Variants in KCNB2 observed in about 807,000 individuals in gnomAD.
KCNB2 encodes the protein potassium voltage-gated channel subfamily B member 2.
A neutral mutation model predicts 61.5 loss-of-function variants in KCNB2; 15 were observed. The observed-to-expected ratio is 0.24, with a 90% CI of 0.16 to 0.38. KCNB2 has a LOEUF of 0.38. KCNB2 is among the 10% of genes least tolerant of loss of function. The pLI, the probability that KCNB2 is intolerant of heterozygous loss-of-function variation, is 1.00. For synonymous variants in KCNB2, 457 were observed against 446.0 expected, an observed-to-expected ratio of 1.02 and a Z score of -0.31; for missense variants, 828 against 1,125.2, an observed-to-expected ratio of 0.74 and a Z score of 3.78.
chr8:72,657,328 G>T (rs1228843466), intron 2 of KCNB2, among the ~76,000 whole-genome samples: 14 of 152,078 alleles, frequency 9.2e-5, no homozygotes, highest in Non-Finnish European at 8.8e-5. Flanking sequence ...AGCCACTAAA[G>T]ATAACATTTT....
intron 1 of KCNB2, among the ~76,000 whole-genome samples, chr8:72,562,364 G>C (rs1282421132): frequency 3.3e-5 from 5 of 152,066 alleles, no homozygotes; most frequent in African/African-American, 1.2e-4. Context: ...GGCCCTGAGC[G>C]GGTGGCAGCA....
rs575766445 is a variant in KCNB2 at position 72,756,635 on chromosome 8, G to A, written c.580-179300G>A. On this transcript the variant is annotated intron_variant, in intron 2 of 2. Transcript: ENST00000523207. ...AGCTTAAAAAGCCACCGATTTAATC[G>A]AAAGCACAGTAGAGGAAAGTAGGGA... 1.3e-4 allele frequency among the ~76,000 whole-genome samples: 20 copies of A among 152,236 alleles called. No individual in the cohort carries two copies. In the South Asian group the frequency reaches 3.3e-3, roughly 25 times the overall value.
chr8:72,567,741 G>A lies in KCNB2; in HGVS notation c.7G>A (p.Glu3Lys). 1 of 1,555,680 alleles carries A rather than the reference G, an allele frequency of 6.4e-7. No homozygotes were observed. Among genetic ancestry groups the A allele is most frequent in the South Asian group, 1.3e-5 (1 of 79,644 alleles). The change falls in exon 2 of 3, where the codon GAA becomes AAA. Residue 3 changes from glutamate to lysine, a missense_variant. Glu to Lys is a moderately conservative substitution (Grantham distance 56, BLOSUM62 1). Around this residue, in one of 4 missense-constraint regions of KCNB2, gnomAD observed 62 missense variants for 54.8 expected, o/e 1.13. Transcript: ENST00000523207. MAEKAPPGLNRKT... is the reference protein window; with the variant it reads MAKKAPPGLNRKT... ...CGGCTTTGTCCAGTTCAAAATGGCA[G>A]AAAAGGCTCCCCCGGGCTTAAACAG...
At chr8:72,891,833 T>C (rs1300814318) in intron 2 of KCNB2, among the ~76,000 whole-genome samples, 2 of 152,174 alleles carry the variant, frequency 1.3e-5, no homozygotes, top group Admixed American at 1.3e-4. Flanking sequence ...AGAAAAATAA[T>C]CCCTCAGGAA....
At position 72,937,463 on chromosome 8, in the gene KCNB2, C is replaced by T. The variant is rs1311362091; in HGVS notation, c.2108C>T (p.Ser703Phe). 3.1e-6 allele frequency: 5 copies of T among 1,613,830 alleles called. No individual in the cohort carries two copies. Among genetic ancestry groups the T allele is most frequent in the Non-Finnish European group, 4.2e-6 (5 of 1,179,984 alleles). The change falls in exon 3 of 3, where the codon TCT (serine) becomes TTT (phenylalanine). Residue 703 changes from serine to phenylalanine, a missense_variant. Coordinates refer to ENST00000523207, the MANE Select transcript of KCNB2 (RefSeq NM_004770.3). ...AATGCCACCGACAGTCCTAAGAGCT[C>T]TCTAAAAGGCAGCAACCCACTAAAG... is the stretch of plus-strand genomic sequence containing the variant. ...SDNATDSPKSSLKGSNPLKSR... is the reference protein window; with the variant it reads ...SDNATDSPKSFLKGSNPLKSR...
chr8:72,918,262 A>G (rs2129007999), intron 2 of KCNB2, among the ~76,000 whole-genome samples: 1 of 152,322 alleles, frequency 6.6e-6, no homozygotes, highest in East Asian at 1.9e-4. Flanking sequence ...AGCAGTGCTA[A>G]GTCATCATCT....
At chr8:72,732,152 T>C (rs1807755806) in intron 2 of KCNB2, 1 of 152,266 alleles carries the variant, frequency 6.6e-6, no homozygotes. Flanking sequence ...TTTTATTCTG[T>C]TGGCCTTGGG....
intron 2 of KCNB2, among the ~76,000 whole-genome samples, chr8:72,859,025 C>T (rs1034410869): frequency 6.6e-6 from 1 of 152,184 alleles, no homozygotes; most frequent in Non-Finnish European, 1.5e-5. Flanking sequence ...ATTGCTCCTG[C>T]AAAATGTCCT....
At position 72,826,301 on chromosome 8, in the gene KCNB2, C is replaced by T. The variant is rs370007451; in HGVS notation, c.580-109634C>T. ...GGAACTGCCGATTATCAACAGTCTTCCCGTAGGATCCCATAGAACACAAAT... is the reference window on the plus strand; with the variant it reads ...GGAACTGCCGATTATCAACAGTCTTTCCGTAGGATCCCATAGAACACAAAT... On this transcript the variant is annotated intron_variant, in intron 2 of 2. Transcript: ENST00000523207. Among the ~76,000 whole-genome samples, 305 of 152,294 alleles carry T rather than the reference C, an allele frequency of 2.0e-3. 3 individuals are homozygous for T. The highest frequency in any genetic ancestry group is 7.1e-3 in the African/African-American group (296 of 41,544).
At chr8:72,852,492 G>T (rs1203583703) in intron 2 of KCNB2, among the ~76,000 whole-genome samples, 1 of 151,942 alleles carries the variant, frequency 6.6e-6, no homozygotes, top group African/African-American at 2.4e-5. Context: ...TTGAAATATT[G>T]CAGGGCCCGT....
chr8:72,768,497 AT>A (rs372337510), intron 2 of KCNB2, among the ~76,000 whole-genome samples: 7 of 148,798 alleles, frequency 4.7e-5, no homozygotes, highest in South Asian at 2.1e-4. Flanking sequence ...TCTTAGTGTA[AT>A]TTTTTTTTTG....
intron 2 of KCNB2, among the ~76,000 whole-genome samples, chr8:72,805,456 C>A (rs187457713): frequency 2.6e-5 from 4 of 152,232 alleles, no homozygotes; most frequent in African/African-American, 9.6e-5. Flanking sequence ...CTGTGTGGAT[C>A]CCCTAAGGGA....
At chr8:72,732,080 G>A (rs2128993588) in intron 2 of KCNB2, 1 of 152,356 alleles carries the variant, frequency 6.6e-6, no homozygotes, top group African/African-American at 2.4e-5. Flanking sequence ...GGAAGTCACT[G>A]CAGCCAAGTG....
chr8:72,933,588 AT>A (rs975416963), intron 2 of KCNB2, among the ~76,000 whole-genome samples: 59 of 152,236 alleles, frequency 3.9e-4, no homozygotes, highest in African/African-American at 1.4e-3. Flanking sequence ...TCCCGAAAAA[AT>A]ATCTTGGTTC....
At chr8:72,859,706 C>CTTTT (rs1810264452) in intron 2 of KCNB2, among the ~76,000 whole-genome samples, 2,792 of 73,464 alleles carry the variant, frequency 0.038, 791 homozygotes, top group Middle Eastern at 0.12. Flanking sequence ...TACTTCATTT[C>CTTTT]GTTTTTTTTT....
intron 2 of KCNB2, among the ~76,000 whole-genome samples, chr8:72,627,595 G>A (rs1805809932): frequency 6.6e-6 from 1 of 152,176 alleles, no homozygotes; most frequent in South Asian, 2.1e-4. Flanking sequence ...CTAGGTGAAT[G>A]CAGAAAACTG....
intron 2 of KCNB2, among the ~76,000 whole-genome samples, chr8:72,777,255 T>C (rs1235542788): frequency 6.6e-6 from 1 of 152,218 alleles, no homozygotes; most frequent in Non-Finnish European, 1.5e-5. Context: ...GTTGTGATCT[T>C]AGCCTTGCAT....
chr8:72,812,586 T>A (rs1461142118), intron 2 of KCNB2, among the ~76,000 whole-genome samples: 1 of 152,106 alleles, frequency 6.6e-6, no homozygotes, highest in African/African-American at 2.4e-5. Flanking sequence ...TAAATCATGT[T>A]TTTTTAAATA....
chr8:72,829,465 GA>G (rs1213605720), intron 2 of KCNB2, among the ~76,000 whole-genome samples: 2 of 152,182 alleles, frequency 1.3e-5, no homozygotes. Flanking sequence ...GAGTAGATGG[GA>G]TAACAATGAG....
Sources: gnomAD v4.1 joint callset for allele counts (sites outside exome capture counted in the v4.1 genomes callset) on GRCh38, gnomAD v4.1.1 for gene constraint, gnomAD v4.1.1 regional missense constraint, MANE v1.5 for transcripts, NCBI Gene and HGNC (gene_info 2026-07-23, HGNC 2026-07-21) for gene names.